RARB: variants seen among roughly 807,000 people sequenced by gnomAD.
RARB encodes the protein HBV-activated protein.
A neutral mutation model predicts 51.9 loss-of-function variants in RARB; 17 were observed. The observed-to-expected ratio is 0.33, with a 90% CI of 0.22 to 0.49. RARB has a LOEUF of 0.49. RARB is among the 20% of genes least tolerant of loss of function. The pLI, the probability that RARB is intolerant of heterozygous loss-of-function variation, is 0.99. For missense variants in RARB, 369 were observed against 550.8 expected (o/e 0.67, Z 3.30); for synonymous variants, 215 against 195.4 (o/e 1.10, Z -0.84).
At chr3:24,986,439 T>C (rs1696796217) in intron 2 of RARB, among the ~76,000 whole-genome samples, 1 of 152,220 alleles carries the variant, frequency 6.6e-6, no homozygotes, top group African/African-American at 2.4e-5. Flanking sequence ...TCCACTTGTA[T>C]GGTAAATTCT....
intron 5 of RARB, among the ~76,000 whole-genome samples, chr3:25,302,307 A>T (rs1212650278): frequency 6.6e-6 from 1 of 152,244 alleles, no homozygotes; most frequent in Non-Finnish European, 1.5e-5. Context: ...ACATGTTCAC[A>T]CAAAACCTAG....
At chr3:25,275,060 T>G (rs1036573730) in intron 5 of RARB, among the ~76,000 whole-genome samples, 1 of 152,224 alleles carries the variant, frequency 6.6e-6, no homozygotes, top group African/African-American at 2.4e-5. Context: ...CGTCTTCTCT[T>G]GGCCCCATGC....
At chr3:25,132,101 T>G (rs1452324004) in intron 3 of RARB, among the ~76,000 whole-genome samples, 1 of 151,908 alleles carries the variant, frequency 6.6e-6, no homozygotes, top group Non-Finnish European at 1.5e-5. Flanking sequence ...TAAAAAAGTT[T>G]ACAAGTGAAA....
chr3:25,506,640 T>A (rs1697615693), intron 3 of RARB, among the ~76,000 whole-genome samples: 1 of 152,240 alleles, frequency 6.6e-6, no homozygotes, highest in Non-Finnish European at 1.5e-5. Context: ...TATTTGTCCC[T>A]GTCTTCATTA....
chr3:25,141,140 T>C (rs1021530993), intron 4 of RARB, among the ~76,000 whole-genome samples: 1 of 152,144 alleles, frequency 6.6e-6, no homozygotes, highest in Admixed American at 6.6e-5. Context: ...TCTTTTGTCA[T>C]ATCCCTTATA....
intron 2 of RARB, among the ~76,000 whole-genome samples, chr3:24,980,917 C>G (rs1176522925): frequency 6.6e-6 from 1 of 152,156 alleles, no homozygotes; most frequent in African/African-American, 2.4e-5. Context: ...TACCTTTGGT[C>G]TTTGATGTTG....
At chr3:25,204,035 G>A (rs907641829) in intron 5 of RARB, among the ~76,000 whole-genome samples, 20 of 152,146 alleles carry the variant, frequency 1.3e-4, no homozygotes, top group African/African-American at 3.9e-4. Flanking sequence ...TTCCAACTTG[G>A]TTCCATTCTC....
intron 2 of RARB, among the ~76,000 whole-genome samples, chr3:24,885,562 G>A (rs537750913): frequency 2.6e-5 from 4 of 152,144 alleles, no homozygotes; most frequent in Non-Finnish European, 5.9e-5. Flanking sequence ...TAGCTATAGT[G>A]TAGCTCTAAA....
intron 5 of RARB, among the ~76,000 whole-genome samples, chr3:25,359,807 A>G (rs142769286): frequency 0.029 from 4,398 of 152,226 alleles, 153 homozygotes; most frequent in African/African-American, 0.085. Context: ...CTTAATCCTG[A>G]GTTCTAATGT....
At chr3:25,551,664 T>C (rs1177151869) in intron 3 of RARB, among the ~76,000 whole-genome samples, 1 of 152,198 alleles carries the variant, frequency 6.6e-6, no homozygotes, top group Non-Finnish European at 1.5e-5. Context: ...GATTCGAGTC[T>C]CCTGGATATA....
At chr3:25,318,884 C>T (rs1004140738) in intron 5 of RARB, among the ~76,000 whole-genome samples, 63 of 152,144 alleles carry the variant, frequency 4.1e-4, no homozygotes, top group African/African-American at 1.5e-3. Context: ...ATGTCCTTTT[C>T]TCTGTGTGTC....
intron 3 of RARB, among the ~76,000 whole-genome samples, chr3:25,075,194 C>A (rs925080829): frequency 6.6e-6 from 1 of 152,134 alleles, no homozygotes; most frequent in Non-Finnish European, 1.5e-5. Flanking sequence ...CGTAAAATTG[C>A]AATACAATTA....
rs868768741 is a variant in RARB, at chr3:24,877,673, T to A, written c.-380+18921T>A. ...GAGACCTCCAAGTCTGATCTTCCAC[T>A]GATCTTTGATAACAATGAGTGGCAG... On this transcript the variant is annotated intron_variant, in intron 2 of 11. Transcript: ENST00000383772. Among the ~76,000 whole-genome samples, 3 of 152,256 alleles carry A rather than the reference T, an allele frequency of 2.0e-5. No individual in the cohort carries two copies. In the South Asian group the frequency reaches 6.2e-4, roughly 32 times the overall value.
At chr3:24,999,854 A>T (rs536660676) in intron 2 of RARB, among the ~76,000 whole-genome samples, 1 of 152,050 alleles carries the variant, frequency 6.6e-6, no homozygotes, top group African/African-American at 2.4e-5. Context: ...AACTAGCAAA[A>T]ATGGCCCCAG....
chr3:24,977,238 A>G (rs146843268), intron 2 of RARB, among the ~76,000 whole-genome samples: 65 of 152,306 alleles, frequency 4.3e-4, no homozygotes, highest in Non-Finnish European at 8.2e-4. Flanking sequence ...TGACTTGGCT[A>G]TATGGGCTCT....
chr3:25,007,596 A>AAAAAAAAAAAAAAAAAAAAC lies in RARB; in HGVS notation c.-379-52521_-379-52520insAAAAAAAAAAACAAAAAAAA, dbSNP rs1287572028. 2.8e-5 allele frequency among the ~76,000 whole-genome samples: 4 copies of AAAAAAAAAAAAAAAAAAAAC among 142,176 alleles called. 1 individual carries two copies. The highest frequency in any genetic ancestry group is 1.1e-4 in the African/African-American group (4 of 36,804). 93.3% of individuals were successfully genotyped at this position (142,176 alleles called of 152,430 possible). A position where few individuals can be genotyped will look rare whatever the true frequency, so the allele number is the denominator to read the frequency against. On this transcript the variant is annotated intron_variant, in intron 2 of 11. Transcript: ENST00000383772. ...GGCAACAGAGTGAGACTGTCTCAAA[A>AAAAAAAAAAAAAAAAAAAAC]AAAAAAAACAAAAAAACCTCATATT... is the stretch of plus-strand genomic sequence containing the variant.
rs1437689505 is a variant in RARB, at chr3:25,428,682, C to T, written c.-50C>T. ...GTGGACTTTTCTATGCCATTTGCCT[C>T]CACACCTAGAGGATAAGCACTTTTG... On this transcript the variant is annotated 5_prime_UTR_variant, in exon 1 of 8. Coordinates refer to ENST00000330688, the MANE Select transcript of RARB (RefSeq NM_000965.5). 5 of 1,559,578 alleles carry T rather than the reference C, an allele frequency of 3.2e-6. No homozygotes were observed. In the East Asian group the frequency reaches 1.1e-4, roughly 36 times the overall value.
At chr3:24,848,571 G>T (rs1702514123) in intron 1 of RARB, among the ~76,000 whole-genome samples, 1 of 152,104 alleles carries the variant, frequency 6.6e-6, no homozygotes, top group Non-Finnish European at 1.5e-5. Context: ...TATCATTTTT[G>T]GCCTTTTCTC....
intron 5 of RARB, among the ~76,000 whole-genome samples, chr3:25,311,468 G>A (rs139565630): frequency 1.6e-4 from 25 of 152,300 alleles, no homozygotes; most frequent in African/African-American, 6.0e-4. Flanking sequence ...TTGCAAATCT[G>A]GACCTTTTCC....
Sources: allele counts gnomAD v4.1 joint callset (sites outside exome capture counted in the v4.1 genomes callset), GRCh38; gene constraint gnomAD v4.1.1; transcripts MANE v1.5; gene names NCBI Gene and HGNC (gene_info 2026-07-23, HGNC 2026-07-21).